USP24: variants seen among roughly 807,000 people sequenced by gnomAD.
USP24 encodes ubiquitin specific peptidase 24.
A neutral mutation model predicts 361.6 loss-of-function variants in USP24; 97 were observed. The ratio of observed to expected loss-of-function variants is 0.27; its 90% CI spans 0.23 to 0.32. The LOEUF (loss-of-function observed/expected upper bound fraction) is 0.32, where lower values mean the gene tolerates loss of function less well. Ranked by LOEUF, USP24 falls within the 10% of genes least tolerant of loss-of-function variation. The pLI is 1.00. For missense variants in USP24, 2,353 were observed against 3,165.6 expected (o/e 0.74, Z 6.16); for synonymous variants, 1,098 against 1,124.6 (o/e 0.98, Z 0.47).
At position 55,159,667 on chromosome 1, in the gene USP24, T is replaced by G; in HGVS notation, c.1012A>C (p.Ile338Leu). 1 of 1,560,370 alleles carries G rather than the reference T, an allele frequency of 6.4e-7. No homozygotes were observed. Among genetic ancestry groups the G allele is most frequent in the Non-Finnish European group, 8.7e-7 (1 of 1,150,444 alleles). Reference sequence around the variant, plus strand: ...CGTACATCCTGGATTGTAGTAAGAATGACTGGGTCTAGCATGGGCTGTAGA... The same window carrying G: ...CGTACATCCTGGATTGTAGTAAGAAGGACTGGGTCTAGCATGGGCTGTAGA... ...SVVQPMLDPVILTTIQDVRSV... is the reference protein window; with the variant it reads ...SVVQPMLDPVLLTTIQDVRSV... Residue 338 changes from isoleucine (I) to leucine (L), a missense_variant, in exon 9 of 68, where the codon ATT becomes CTT. This residue lies in a region of USP24 where 386 missense variants were observed against 560.5 expected (regional missense o/e 0.69). Coordinates refer to ENST00000294383, the MANE Select transcript of USP24 (RefSeq NM_015306.3).
At position 55,097,103 on chromosome 1, in the gene USP24, C is replaced by A. The variant is rs762028719; in HGVS notation, c.5785G>T (p.Val1929Phe). 1 of 1,613,968 alleles carries A rather than the reference C, an allele frequency of 6.2e-7. No homozygotes were observed. Among genetic ancestry groups the A allele is most frequent in the East Asian group, 2.2e-5 (1 of 44,886 alleles). Residue 1929 changes from valine (V) to phenylalanine (F), a missense_variant, in exon 49 of 68, where the codon GTT becomes TTT. Transcript: ENST00000294383. ...TCCACACTTCGCCCATTTTCCCCAA[C>A]TTCAGAAGAAGAATCTTGGCGAGCC... ...GMARQDSSSE[V>F]GENGRSVDQG...
At chr1:55,180,275 T>C (rs2100832989) in intron 1 of USP24, among the ~76,000 whole-genome samples, 1 of 152,294 alleles carries the variant, frequency 6.6e-6, no homozygotes, top group East Asian at 1.9e-4. Context: ...AAGAGACATG[T>C]CTAAGCCTAG....
intron 7 of USP24, among the ~76,000 whole-genome samples, chr1:55,162,887 C>A (rs540122932): frequency 6.6e-6 from 1 of 152,144 alleles, no homozygotes; most frequent in South Asian, 2.1e-4. Flanking sequence ...GCAGAAGTGA[C>A]ACTACCAGTA....
intron 38 of USP24, among the ~76,000 whole-genome samples, chr1:55,119,760 T>G (rs1183261211): frequency 6.6e-6 from 1 of 152,108 alleles, no homozygotes; most frequent in Non-Finnish European, 1.5e-5. Context: ...GATTTTATTT[T>G]CCCAGTTTGG....
rs771806828 is a variant in USP24, at chr1:55,123,454, C to T, written c.4269G>A (p.Gln1423=). The T allele has an allele frequency of 3.8e-6, 6 of 1,586,304 alleles. No homozygotes were observed. The highest frequency in any genetic ancestry group is 5.1e-6 in the Non-Finnish European group (6 of 1,166,084). The change falls in exon 36 of 68, where the codon CAG becomes CAA. Residue 1423 remains glutamine (Q), a synonymous_variant. Transcript: ENST00000294383. ...LLVTCLQLRS[Q]QLASFYNLPC... ...AACAAGCCTCCAGCATACCCAGTTG[C>T]TGGCTCCGAAGCTGTAGGCACGTAA...
intron 1 of USP24, among the ~76,000 whole-genome samples, chr1:55,194,657 ATCTT>A (rs1251623647): frequency 1.3e-5 from 2 of 151,796 alleles, no homozygotes; most frequent in Non-Finnish European, 2.9e-5. Flanking sequence ...CTTCAGATGA[ATCTT>A]TCTTTGTCCC....
Position 55,172,486 on chromosome 1 carries a change from G to C in USP24, c.593C>G (p.Thr198Ser). Residue 198 changes from threonine to serine, a missense_variant, in exon 4 of 68, where the codon ACT becomes AGT. Coordinates refer to ENST00000294383, the MANE Select transcript of USP24 (RefSeq NM_015306.3). ...LTSSAVHKWGTEIHEGIYNML... is the reference protein window; with the variant it reads ...LTSSAVHKWGSEIHEGIYNML... ...GTTGTAAATTCCTTCATGAATTTCA[G>C]TACCCCACTTGTGAACAGCACTTGA... 6.2e-7 allele frequency: 1 copy of C among 1,613,276 alleles called. No individual in the cohort carries two copies. Among genetic ancestry groups the C allele is most frequent in the Non-Finnish European group, 8.5e-7 (1 of 1,179,542 alleles).
chr1:55,214,683 C>T, intron 1 of USP24, 107 bp downstream of exon 1: 1 of 961,660 alleles, frequency 1.0e-6, no homozygotes, highest in East Asian at 6.2e-5. Context: ...CACTAAAGCC[C>T]CAGTCGAATG....
intron 35 of USP24, 36 bp from the exon 36 acceptor site, chr1:55,123,638 T>A: frequency 6.5e-7 from 1 of 1,539,526 alleles, no homozygotes; most frequent in African/African-American, 1.4e-5. Context: ...CTGTGGATCC[T>A]ACAGGAACTA....
intron 1 of USP24, among the ~76,000 whole-genome samples, chr1:55,181,729 T>C (rs1643972753): frequency 6.6e-6 from 1 of 152,180 alleles, no homozygotes; most frequent in Non-Finnish European, 1.5e-5. Flanking sequence ...AGAGCCTCTT[T>C]GGTGAAAGAA....
At chr1:55,145,441 T>C (rs950139953) in intron 20 of USP24, among the ~76,000 whole-genome samples, 1 of 152,198 alleles carries the variant, frequency 6.6e-6, no homozygotes, top group Non-Finnish European at 1.5e-5. Flanking sequence ...ACTCCATTCA[T>C]ATCAAATGTC....
chr1:55,197,668 T>C (rs1237995853), intron 1 of USP24, among the ~76,000 whole-genome samples: 1 of 152,228 alleles, frequency 6.6e-6, no homozygotes, highest in Non-Finnish European at 1.5e-5. Flanking sequence ...AATGGAGCTC[T>C]ATCTAATTCT....
chr1:55,171,475 TA>T (rs1649436211), intron 5 of USP24, 80 bp downstream of exon 5: 1 of 1,472,748 alleles, frequency 6.8e-7, no homozygotes, highest in African/African-American at 1.4e-5. Context: ...TCCTCCCATG[TA>T]ACTTGTCTTT....
chr1:55,122,163 T>C (rs1646300631), intron 36 of USP24, among the ~76,000 whole-genome samples: 1 of 152,064 alleles, frequency 6.6e-6, no homozygotes. Flanking sequence ...AGTTATAAAA[T>C]GATAAATGTT....
At chr1:55,157,122 T>A in intron 11 of USP24, 71 bp from the exon 12 acceptor site, 1 of 1,439,176 alleles carries the variant, frequency 6.9e-7, no homozygotes, top group Non-Finnish European at 9.6e-7. Context: ...ATTCTATTGA[T>A]TCAAAACAAT....
Position 55,099,834 on chromosome 1 carries a change from T to C in USP24, c.5307A>G (p.Arg1769=). 2 of 1,557,864 alleles carry C rather than the reference T, an allele frequency of 1.3e-6. No homozygotes were observed. The highest frequency in any genetic ancestry group is 1.7e-6 in the Non-Finnish European group (2 of 1,149,844). Residue 1769 remains arginine, a synonymous_variant, in exon 45 of 68, where the codon AGA becomes AGG. Transcript: ENST00000294383. ...AGAATTCATATGCATCCTGCTGTTCTCTCACATAAAGTTCTTTATTCCACA... is the reference window on the plus strand; with the variant it reads ...AGAATTCATATGCATCCTGCTGTTCCCTCACATAAAGTTCTTTATTCCACA... ...FKMWNKELYV[R]EQQDAYEFFT...
rs781107218 is a variant in USP24, at chr1:55,081,406, C to G, written c.6994G>C (p.Ala2332Pro). The change falls in exon 59 of 68, where the codon GCA becomes CCA. Residue 2332 changes from alanine to proline, a missense_variant. Ala to Pro is a conservative substitution (Grantham distance 27). Transcript: ENST00000294383. Reference protein sequence around the residue: ...QNNQIRRWSSAQAREFGNLHN... With the variant: ...QNNQIRRWSSPQAREFGNLHN... Reference sequence around the variant, plus strand: ...AGATTCCCAAATTCTCGTGCTTGTGCTGAACTCCATCGACGTATCTGTCAT... The same window carrying G: ...AGATTCCCAAATTCTCGTGCTTGTGGTGAACTCCATCGACGTATCTGTCAT... 51 of 1,613,698 alleles carry G rather than the reference C, an allele frequency of 3.2e-5. 1 individual carries two copies. In the South Asian group the frequency reaches 5.3e-4, roughly 17 times the overall value.
intron 38 of USP24, among the ~76,000 whole-genome samples, chr1:55,116,437 A>G (rs1557584618): frequency 6.6e-6 from 1 of 152,054 alleles, no homozygotes; most frequent in African/African-American, 2.4e-5. Flanking sequence ...GACTAACACA[A>G]AAAAGGGAGA....
chr1:55,138,699 C>G lies in USP24; in HGVS notation c.2837G>C (p.Arg946Pro). 1 of 1,612,328 alleles carries G rather than the reference C, an allele frequency of 6.2e-7. No individual in the cohort carries two copies. The highest frequency in any genetic ancestry group is 8.5e-7 in the Non-Finnish European group (1 of 1,179,104). ...ITIEDFYSVPRTILPHGASFH... is the reference protein window; with the variant it reads ...ITIEDFYSVPPTILPHGASFH... ...TGAGGCACCATGAGGTAGAATAGTTCGTGGAACAGAGTAAAAATCCTTAAA... is the reference window on the plus strand; with the variant it reads ...TGAGGCACCATGAGGTAGAATAGTTGGTGGAACAGAGTAAAAATCCTTAAA... The change falls in exon 26 of 68, where the codon CGA (arginine) becomes CCA (proline). Residue 946 changes from arginine (R) to proline (P), a missense_variant. Arg to Pro is a moderately radical substitution (Grantham distance 103, BLOSUM62 -2). This residue lies in a region of USP24 where 949 missense variants were observed against 1,280.5 expected (regional missense o/e 0.74). Coordinates refer to ENST00000294383, the MANE Select transcript of USP24 (RefSeq NM_015306.3).
Sources: gnomAD v4.1 joint callset for allele counts (sites outside exome capture counted in the v4.1 genomes callset) on GRCh38, gnomAD v4.1.1 for gene constraint, gnomAD v4.1.1 regional missense constraint, MANE v1.5 for transcripts, NCBI Gene and HGNC (gene_info 2026-07-23, HGNC 2026-07-21) for gene names.